Variants in GRIN2A observed in about 807,000 individuals in gnomAD.
GRIN2A encodes glutamate receptor ionotropic, NMDA 2A.
In GRIN2A, 22 loss-of-function variants were observed where a neutral mutation model predicts 113.4. That is an observed-to-expected ratio of 0.19 (90% CI 0.14 to 0.28). GRIN2A has a LOEUF of 0.28. Ranked by LOEUF, GRIN2A falls within the 10% of genes least tolerant of loss-of-function variation. The pLI is 1.00. For synonymous variants in GRIN2A, 827 were observed against 738.4 expected (o/e 1.12, Z -1.94); for missense variants, 1,502 against 1,887.0 (o/e 0.80, Z 3.78).
chr16:10,057,637 TAA>T (rs532428882), intron 2 of GRIN2A, among the ~76,000 whole-genome samples: 9 of 145,576 alleles, frequency 6.2e-5, no homozygotes, highest in African/African-American at 2.5e-5. Context: ...CATAAGTAGT[TAA>T]AAAAAAAAAA....
rs753222901 is a variant in GRIN2A at position 10,180,343 on chromosome 16, C to T, written c.69G>A (p.Pro23=). Residue 23 remains proline, a synonymous_variant, in exon 2 of 13, where the codon CCG becomes CCA. Transcript: ENST00000330684. This position sits in a 1 kb window ranked among gnomAD's most constrained non-coding sequence, Gnocchi z 7.0. ...GGGGACCCTTCTCCGCCGCCGCGCT[C>T]GGCGCCGGACCGCGCCAGACCAGAA... The part of the protein sequence containing the change: ...PALLVWRGPA[P]SAAAEKGPPA... The T allele has an allele frequency of 1.9e-5, 30 of 1,608,500 alleles. No individual in the cohort carries two copies. In the Admixed American group the frequency reaches 4.5e-4, roughly 24 times the overall value.
intron 4 of GRIN2A, among the ~76,000 whole-genome samples, chr16:9,873,543 AAACAACAAC>A (rs71402407): frequency 6.8e-6 from 1 of 147,904 alleles, no homozygotes; most frequent in Non-Finnish European, 1.5e-5. Flanking sequence ...CATCTCTAAA[AAACAACAAC>A]AACAACAACA....
chr16:9,932,747 G>A (rs1320729320), intron 3 of GRIN2A, among the ~76,000 whole-genome samples: 3 of 152,100 alleles, frequency 2.0e-5, no homozygotes, highest in Admixed American at 6.6e-5. Flanking sequence ...TTTTCCATAC[G>A]CCACACACTG....
chr16:9,841,631 C>T (rs2042681359), intron 5 of GRIN2A, among the ~76,000 whole-genome samples: 1 of 152,158 alleles, frequency 6.6e-6, no homozygotes, highest in Non-Finnish European at 1.5e-5. Flanking sequence ...GGTACCCAGA[C>T]AACACCTCAG....
At chr16:10,082,915 C>G (rs1440987701) in intron 2 of GRIN2A, among the ~76,000 whole-genome samples, 3 of 146,772 alleles carry the variant, frequency 2.0e-5, no homozygotes, top group Non-Finnish European at 4.5e-5. Flanking sequence ...TCTTCAAAAC[C>G]TAACTGGCCC....
chr16:10,087,089 G>A (rs565120674), intron 2 of GRIN2A, among the ~76,000 whole-genome samples: 19 of 152,326 alleles, frequency 1.2e-4, no homozygotes, highest in African/African-American at 4.6e-4. Context: ...TAAAGCTGTA[G>A]GCTCGAGAGT....
intron 2 of GRIN2A, among the ~76,000 whole-genome samples, chr16:9,957,435 G>T (rs1023083088): frequency 2.6e-5 from 4 of 152,140 alleles, no homozygotes; most frequent in Admixed American, 1.3e-4. Context: ...CAGTATTTGG[G>T]TCCTGATACT....
At chr16:9,845,323 G>C (rs1032206064) in intron 5 of GRIN2A, among the ~76,000 whole-genome samples, 1 of 152,160 alleles carries the variant, frequency 6.6e-6, no homozygotes, top group Admixed American at 6.5e-5. Flanking sequence ...AGTACTTGGG[G>C]ATCTACTTGT....
At chr16:9,765,385 T>A (rs746585014) in intron 12 of GRIN2A, among the ~76,000 whole-genome samples, 3 of 152,214 alleles carry the variant, frequency 2.0e-5, no homozygotes, top group Non-Finnish European at 4.4e-5. Context: ...ACAGTCAGCA[T>A]GAAAGGATCA....
intron 11 of GRIN2A, among the ~76,000 whole-genome samples, chr16:9,779,235 T>C (rs1901796951): frequency 6.6e-6 from 1 of 152,214 alleles, no homozygotes; most frequent in Non-Finnish European, 1.5e-5. Flanking sequence ...CTTCAGCCAT[T>C]TGGGTGTGAT....
At chr16:10,087,238 T>C (rs1038062843) in intron 2 of GRIN2A, among the ~76,000 whole-genome samples, 1 of 152,200 alleles carries the variant, frequency 6.6e-6, no homozygotes, top group African/African-American at 2.4e-5. Context: ...ATCTACCGCA[T>C]TGGTTTTTAT....
chr16:9,805,415 T>G (rs1439954734), intron 10 of GRIN2A: 3 of 151,820 alleles, frequency 2.0e-5, no homozygotes, highest in Non-Finnish European at 4.4e-5. Flanking sequence ...TGCACATGAG[T>G]GTGTGTGTGT....
chr16:10,099,615 T>C (rs570049355), intron 2 of GRIN2A, among the ~76,000 whole-genome samples: 1 of 152,322 alleles, frequency 6.6e-6, no homozygotes, highest in Non-Finnish European at 1.5e-5. Context: ...CTGCACCTGC[T>C]CTGTTAAGGT....
At chr16:9,820,953 C>G (rs2042271350) in intron 10 of GRIN2A, among the ~76,000 whole-genome samples, 2 of 152,190 alleles carry the variant, frequency 1.3e-5, no homozygotes, top group African/African-American at 4.8e-5. Context: ...CTCCCAGCCC[C>G]TGCTGAGATG....
rs1173500177 is a variant in GRIN2A, at chr16:9,803,022, A to C, written c.2169-4558T>G. Among the ~76,000 whole-genome samples, 4 of 68,916 alleles carry C rather than the reference A, an allele frequency of 5.8e-5. No individual in the cohort carries two copies. In the South Asian group the frequency reaches 1.4e-3, roughly 24 times the overall value. 45.2% of individuals were successfully genotyped at this position (68,916 alleles called of 152,430 possible). ...ATAATTGTTCCTGTTGTTAAAAAGA[A>C]AAAAAAATCCCCTAAATCTCTGAGA... On this transcript the variant is annotated intron_variant, in intron 10 of 12. Transcript: ENST00000330684.
rs1001662707 is a variant in GRIN2A at position 9,762,394 on chromosome 16, G to A, written c.*755C>T. On this transcript the variant is annotated 3_prime_UTR_variant, in exon 13 of 13. Transcript: ENST00000330684. ...TTATGCAGCTCTGAACAAGACCATC[G>A]AAGCCGAGGGTGAGAGAAACACACA... 10 of 226,134 alleles carry A rather than the reference G, an allele frequency of 4.4e-5. No individual in the cohort carries two copies. The highest frequency in any genetic ancestry group is 1.6e-4 in the African/African-American group (7 of 44,850). 14.0% of individuals were successfully genotyped at this position (226,134 alleles called of 1,614,324 possible).
intron 4 of GRIN2A, among the ~76,000 whole-genome samples, chr16:9,889,888 T>C (rs1426496484): frequency 1.3e-5 from 2 of 152,210 alleles, no homozygotes; most frequent in Admixed American, 6.5e-5. Context: ...TCTACTTTGG[T>C]GGATTTCCCA....
intron 2 of GRIN2A, among the ~76,000 whole-genome samples, chr16:9,990,705 G>A (rs138112406): frequency 6.6e-6 from 1 of 151,630 alleles, no homozygotes; most frequent in East Asian, 1.9e-4. Flanking sequence ...AAAAGGTCAA[G>A]AGCAGGAGAA....
intron 2 of GRIN2A, among the ~76,000 whole-genome samples, chr16:9,943,889 T>C (rs760508518): frequency 2.6e-5 from 4 of 152,220 alleles, no homozygotes; most frequent in Non-Finnish European, 5.9e-5. Flanking sequence ...ACTTTAAAGC[T>C]GATTTATTAG....
Sources: allele counts gnomAD v4.1 joint callset (sites outside exome capture counted in the v4.1 genomes callset), GRCh38; gene constraint gnomAD v4.1.1; non-coding constraint Gnocchi (gnomAD v3.1); transcripts MANE v1.5; gene names NCBI Gene and HGNC (gene_info 2026-07-23, HGNC 2026-07-21).